DTX1: variants seen among roughly 807,000 people sequenced by gnomAD.
The protein encoded by DTX1 is deltex E3 ubiquitin ligase 1.
A neutral mutation model predicts 57.8 loss-of-function variants in DTX1; 26 were observed. The observed-to-expected ratio is 0.45, with a 90% confidence interval of 0.33 to 0.62. The LOEUF (loss-of-function observed/expected upper bound fraction) is 0.62, where lower values mean the gene tolerates loss of function less well. Ranked by LOEUF, DTX1 falls within the 20% of genes least tolerant of loss-of-function variation. The pLI is 0.02. For missense variants in DTX1, 704 were observed against 895.3 expected, an observed-to-expected ratio of 0.79 and a Z score of 2.73; for synonymous variants, 398 against 394.1, an observed-to-expected ratio of 1.01 and a Z score of -0.12.
intron 3 of DTX1, among the ~76,000 whole-genome samples, chr12:113,083,844 T>A (rs368900943): frequency 2.0e-5 from 3 of 152,136 alleles, no homozygotes; most frequent in African/African-American, 7.2e-5. Context: ...CCCAAACAGA[T>A]CCAGAGCCCT....
In DTX1 at chr12:113,085,636, C is replaced by T. The variant is rs185694008; in HGVS notation, c.942-7526C>T. 7.9e-5 allele frequency among the ~76,000 whole-genome samples: 12 copies of T among 152,344 alleles called. No individual in the cohort carries two copies. In the East Asian group the frequency reaches 2.1e-3, roughly 27 times the overall value. On this transcript the variant is annotated intron_variant, in intron 3 of 9. Coordinates refer to ENST00000548759, the MANE Select transcript of DTX1 (RefSeq NM_004416.3). ...AGGGCATTAACCCTTTGTCTCCCAT[C>T]TTTTCTGTAGTTTGCTGTTTCTTTT... is the stretch of plus-strand genomic sequence containing the variant.
At position 113,077,824 on chromosome 12, in the gene DTX1, C is replaced by G; in HGVS notation, c.660C>G (p.Ala220=). 7.1e-7 allele frequency: 1 copy of G among 1,412,320 alleles called. No individual in the cohort carries two copies. Among genetic ancestry groups the G allele is most frequent in the Non-Finnish European group, 9.2e-7 (1 of 1,092,408 alleles). The allele number at this position is 1,412,320 out of a possible 1,614,324, so 87.5% of individuals were successfully genotyped here. A position where few individuals can be genotyped will look rare whatever the true frequency, so the allele number is the denominator to read the frequency against. The change falls in exon 3 of 10, where the codon GCC becomes GCG. Residue 220 remains alanine (A), a synonymous_variant. Transcript: ENST00000548759. This position sits in a 1 kb window ranked among gnomAD's most constrained non-coding sequence, Gnocchi z 7.8. ...STRAASNAIL[A]SQRRKAPPAP... ...GCGCCGCCTCCAACGCCATCCTGGC[C>G]TCGCAGCGCCGCAAGGCGCCCCCCG...
chr12:113,063,847 C>T (rs2044682553), intron 2 of DTX1, among the ~76,000 whole-genome samples: 1 of 152,220 alleles, frequency 6.6e-6, no homozygotes, highest in Non-Finnish European at 1.5e-5. Flanking sequence ...CTTTTCCCAT[C>T]ACCGGGGAAA....
At chr12:113,069,649 G>A (rs540856708) in intron 2 of DTX1, among the ~76,000 whole-genome samples, 5 of 152,260 alleles carry the variant, frequency 3.3e-5, no homozygotes, top group South Asian at 2.1e-4. Context: ...GCTGCAGCTC[G>A]AATCCCAGCC....
In DTX1 at chr12:113,094,838, G is replaced by A. The variant is rs1166725275; in HGVS notation, c.1277G>A (p.Gly426Asp). 6.2e-7 allele frequency: 1 copy of A among 1,613,716 alleles called. No individual in the cohort carries two copies. The highest frequency in any genetic ancestry group is 1.3e-5 in the African/African-American group (1 of 74,952). ...ERLVTASGYE[G>D]VLRHKGVRPE... ...CTGGTCACAGCATCAGGCTACGAGG[G>A]CGTGCTTCGGCACAAGGGCGTGCGG... The change falls in exon 7 of 10, where the codon GGC (glycine) becomes GAC (aspartate). Residue 426 changes from glycine to aspartate, a missense_variant. By Grantham distance (94) the Gly-to-Asp change is moderately conservative (BLOSUM62 -1). Coordinates refer to ENST00000548759, the MANE Select transcript of DTX1 (RefSeq NM_004416.3).
intron 2 of DTX1, among the ~76,000 whole-genome samples, chr12:113,067,742 A>C (rs2044713482): frequency 6.6e-6 from 1 of 152,150 alleles, no homozygotes; most frequent in Non-Finnish European, 1.5e-5. Context: ...CCCAATTTTT[A>C]AATGTGAGGC....
Position 113,093,481 on chromosome 12 carries a change from G to T in DTX1, c.1004-58G>T. ...GGCCCCGGGATTCCCAGGGCCAGTG[G>T]TCGGGGGTTTGGGCGGGGATGGCGC... On this transcript the variant is annotated intron_variant, in intron 4 of 9. Coordinates refer to ENST00000548759, the MANE Select transcript of DTX1 (RefSeq NM_004416.3). This position sits in a 1 kb window ranked among gnomAD's most constrained non-coding sequence, Gnocchi z 4.2. 6.8e-7 allele frequency: 1 copy of T among 1,477,540 alleles called. No individual in the cohort carries two copies. The highest frequency in any genetic ancestry group is 9.0e-7 in the Non-Finnish European group (1 of 1,113,232). 91.5% of individuals were successfully genotyped at this position (1,477,540 alleles called of 1,614,324 possible).
chr12:113,069,101 C>G (rs114090558), intron 2 of DTX1, among the ~76,000 whole-genome samples: 6,531 of 152,306 alleles, frequency 0.043, 322 homozygotes, highest in African/African-American at 0.12. Context: ...GCATTTAGAA[C>G]AGCGCCTGGC....
chr12:113,063,905 G>T (rs949999210), intron 2 of DTX1, among the ~76,000 whole-genome samples: 1 of 152,226 alleles, frequency 6.6e-6, no homozygotes, highest in Non-Finnish European at 1.5e-5. Flanking sequence ...GCCCAGAGAG[G>T]GTGAGTGACT....
intron 3 of DTX1, 74 bp downstream of exon 3, chr12:113,078,179 A>G: frequency 8.8e-7 from 1 of 1,133,118 alleles, no homozygotes. Flanking sequence ...GTGGTTGGCC[A>G]CTAGGGCAGG....
At chr12:113,085,922 G>A (rs1416839671) in intron 3 of DTX1, among the ~76,000 whole-genome samples, 1 of 152,130 alleles carries the variant, frequency 6.6e-6, no homozygotes, top group Non-Finnish European at 1.5e-5. Context: ...GAGAAGAAAA[G>A]GCCTCATGGA....
chr12:113,069,697 G>T (rs2044726802), intron 2 of DTX1, among the ~76,000 whole-genome samples: 1 of 152,086 alleles, frequency 6.6e-6, no homozygotes, highest in African/African-American at 2.4e-5. Flanking sequence ...CGTCTTCTTA[G>T]GGAGCCTCAG....
intron 9 of DTX1, among the ~76,000 whole-genome samples, chr12:113,095,887 C>T (rs1363933683): frequency 2.0e-5 from 3 of 152,182 alleles, no homozygotes; most frequent in Non-Finnish European, 4.4e-5. Flanking sequence ...GAGCAGAGAG[C>T]TGCCAGATGC....
intron 2 of DTX1, among the ~76,000 whole-genome samples, chr12:113,070,313 C>G (rs1473664922): frequency 1.3e-5 from 2 of 152,226 alleles, no homozygotes; most frequent in Non-Finnish European, 2.9e-5. Flanking sequence ...CTGCCCAACC[C>G]CCGGTCACAG....
intron 2 of DTX1, among the ~76,000 whole-genome samples, chr12:113,059,115 G>A (rs2044650072): frequency 6.6e-6 from 1 of 152,072 alleles, no homozygotes; most frequent in African/African-American, 2.4e-5. Flanking sequence ...GGAGGAGACA[G>A]TGTTAGCGGT....
Position 113,058,402 on chromosome 12 carries a change from G to A in DTX1, c.210G>A (p.Val70=). Residue 70 remains valine (V), a synonymous_variant, in exon 2 of 10, where the codon GTG becomes GTA. Transcript: ENST00000548759. ...TGGGGCAGGTGGACGCCCAGCTTGT[G>A]CCCTACATCATCGACCTGCAGTCCA... is the stretch of plus-strand genomic sequence containing the variant. ...VVLGQVDAQL[V]PYIIDLQSMH... 6.2e-7 allele frequency: 1 copy of A among 1,608,078 alleles called. No individual in the cohort carries two copies. Among genetic ancestry groups the A allele is most frequent in the Non-Finnish European group, 8.5e-7 (1 of 1,179,902 alleles).
rs1290152111 is a variant in DTX1 at position 113,059,355 on chromosome 12, C to T, written c.259+904C>T. On this transcript the variant is annotated intron_variant, in intron 2 of 9. Transcript: ENST00000548759. ...AGAGAATGATGTTGGTGGCAGTCTT[C>T]GTGGCCATGTGGTGTGGCTGGTAGC... 9.9e-5 allele frequency among the ~76,000 whole-genome samples: 15 copies of T among 151,956 alleles called. 1 individual carries two copies. The highest frequency in any genetic ancestry group is 8.5e-4 in the Admixed American group (13 of 15,250).
chr12:113,093,353 G>T lies in DTX1; in HGVS notation c.1003+130G>T. Reference sequence around the variant, plus strand: ...CGGAGGAAACGCCCCCTTCCACTGGGCCCAGGACACAGGGCGGGCGTGGCC... The same window carrying T: ...CGGAGGAAACGCCCCCTTCCACTGGTCCCAGGACACAGGGCGGGCGTGGCC... On this transcript the variant is annotated intron_variant, in intron 4 of 9. Transcript: ENST00000548759. This position sits in a 1 kb window ranked among gnomAD's most constrained non-coding sequence, Gnocchi z 4.2. The T allele has an allele frequency of 7.4e-7, 1 of 1,350,936 alleles. No homozygotes were observed. The allele number at this position is 1,350,936 out of a possible 1,614,324, so 83.7% of individuals were successfully genotyped here.
intron 2 of DTX1, among the ~76,000 whole-genome samples, chr12:113,071,726 GC>G (rs1466055883): frequency 6.6e-6 from 1 of 152,258 alleles, no homozygotes; most frequent in Non-Finnish European, 1.5e-5. Flanking sequence ...GGAACCAGCT[GC>G]CCACCCCCTC....
Sources: gnomAD v4.1 joint callset for allele counts (sites outside exome capture counted in the v4.1 genomes callset) on GRCh38, gnomAD v4.1.1 for gene constraint, Gnocchi (gnomAD v3.1) non-coding constraint, MANE v1.5 for transcripts, NCBI Gene and HGNC (gene_info 2026-07-23, HGNC 2026-07-21) for gene names.